Variants in MAP3K15 observed in about 807,000 individuals in gnomAD.
The protein encoded by MAP3K15 is mitogen-activated protein kinase kinase kinase 15, also known as MAPK/ERK kinase kinase 15.
MAP3K15 carries 124 observed loss-of-function variants against 99.5 expected under a neutral mutation model. The observed-to-expected ratio is 1.25, with a 90% CI of 1.08 to 1.45. MAP3K15 has a LOEUF of 1.45. MAP3K15 is among the 40% of genes most tolerant of loss of function. The probability of loss-of-function intolerance (pLI) is 0.00; values close to 1 mark genes in which losing one functional copy is unlikely to be tolerated. For synonymous variants in MAP3K15, 494 were observed against 439.6 expected, an observed-to-expected ratio of 1.12 and a Z score of -1.55; for missense variants, 1,242 against 1,079.7, an observed-to-expected ratio of 1.15 and a Z score of -2.11.
chrX:19,417,362 C>T (rs761442151), intron 9 of MAP3K15, among the ~76,000 whole-genome samples: 21 of 112,296 alleles, frequency 1.9e-4, no homozygotes, highest in African/African-American at 5.8e-4. Context: ...TGCGCTTTTC[C>T]AATGGTCTTA....
chrX:19,504,677 C>T (rs772969204), intron 1 of MAP3K15, among the ~76,000 whole-genome samples: 1 of 111,843 alleles, frequency 8.9e-6, no homozygotes, highest in Non-Finnish European at 1.9e-5. Flanking sequence ...GAAAAAGTTA[C>T]CTAAGGCTGG....
At chrX:19,403,688 G>A (rs5955772) in intron 13 of MAP3K15, among the ~76,000 whole-genome samples, 2 of 106,475 alleles carry the variant, frequency 1.9e-5, no homozygotes, top group African/African-American at 6.9e-5. Context: ...GGCTGGTCTC[G>A]AACTGCCCAC....
intron 18 of MAP3K15, among the ~76,000 whole-genome samples, chrX:19,386,041 G>T (rs1344456378): frequency 8.9e-6 from 1 of 112,209 alleles, no homozygotes; most frequent in Non-Finnish European, 1.9e-5. Flanking sequence ...CTGGCAGGAT[G>T]CATGTTGGGT....
In MAP3K15 at chrX:19,392,087, G is replaced by C. The variant is rs200012394; in HGVS notation, c.2346C>G (p.Asn782Lys). 2.5e-5 allele frequency: 30 copies of C among 1,207,997 alleles called. No homozygotes were observed. The highest frequency in any genetic ancestry group is 1.7e-5 in the African/African-American group (1 of 57,245). The change falls in exon 18 of 29, where the codon AAC becomes AAG. Residue 782 changes from asparagine (N) to lysine (K), a missense_variant. Coordinates refer to ENST00000338883, the MANE Select transcript of MAP3K15 (RefSeq NM_001001671.4). ...AGATTTTCACCACTCCGCTGTAGGT[G>C]TTCACCAGAACATTATCGCCCTTCG... The part of the protein sequence containing the change: ...RDIKGDNVLV[N>K]TYSGVVKISD...
In MAP3K15 at chrX:19,425,642, A is replaced by G; in HGVS notation, c.1328T>C (p.Met443Thr). 8.3e-7 allele frequency: 1 copy of G among 1,198,873 alleles called. No individual in the cohort carries two copies. ...CTGACCCACATCCCAGTAATTGTTC[A>G]TTTTCTCCAAGCTCCCTTTTCTTCC... The part of the protein sequence containing the change: ...LLGRKGSLEK[M>T]NNYWDVGQFF... The change falls in exon 9 of 29, where the codon ATG becomes ACG. Residue 443 changes from methionine to threonine, a missense_variant. Met to Thr is a moderately conservative substitution (Grantham distance 81). Coordinates refer to ENST00000338883, the MANE Select transcript of MAP3K15 (RefSeq NM_001001671.4).
Position 19,360,350 on chromosome X carries a change from G to A in MAP3K15, c.*399C>T. On this transcript the variant is annotated 3_prime_UTR_variant, in exon 29 of 29. Transcript: ENST00000338883. Reference sequence around the variant, plus strand: ...TGTTTGTTTCACCATTCCAGCAAGTGCTGAAGGGTGTACTTTTTTTGAGAC... The same window carrying A: ...TGTTTGTTTCACCATTCCAGCAAGTACTGAAGGGTGTACTTTTTTTGAGAC... 1 of 158,107 alleles carries A rather than the reference G, an allele frequency of 6.3e-6. No individual in the cohort carries two copies. Among genetic ancestry groups the A allele is most frequent in the Non-Finnish European group, 1.2e-5 (1 of 83,583 alleles). The allele number at this position is 158,107 out of a possible 1,213,427, so 13.0% of individuals were successfully genotyped here. A position where few individuals can be genotyped will look rare whatever the true frequency, so the allele number is the denominator to read the frequency against.
At chrX:19,408,871 C>T (rs1230293798) in intron 12 of MAP3K15, among the ~76,000 whole-genome samples, 1 of 110,979 alleles carries the variant, frequency 9.0e-6, no homozygotes, top group Admixed American at 9.6e-5. Context: ...GCCACAAATA[C>T]TGTGTCCTGA....
chrX:19,451,640 A>T (rs1022780310), intron 6 of MAP3K15, among the ~76,000 whole-genome samples: 2 of 109,133 alleles, frequency 1.8e-5, no homozygotes, highest in African/African-American at 6.7e-5. Flanking sequence ...TCTTATACGC[A>T]TTAGGGCAGC....
At chrX:19,484,606 CACCAAGTCTCCGGGACGAGAG>C (rs1417728784) in intron 3 of MAP3K15, among the ~76,000 whole-genome samples, 1 of 111,802 alleles carries the variant, frequency 8.9e-6, no homozygotes, top group Admixed American at 9.5e-5. Context: ...AACAGCGTGA[CACCAAGTCTCCGGGACGAGAG>C]ACTATTTCTG....
At position 19,464,199 on chromosome X, in the gene MAP3K15, C is replaced by T; in HGVS notation, c.719+14G>A. 8.5e-7 allele frequency: 1 copy of T among 1,179,747 alleles called. No individual in the cohort carries two copies. Among genetic ancestry groups the T allele is most frequent in the East Asian group, 3.0e-5 (1 of 33,515 alleles). On this transcript the variant is annotated intron_variant, in intron 4 of 28. Transcript: ENST00000338883. ...GTGAGTCTCCAGGGGTTACTGGTGG[C>T]AGATGGGAATTACCATGAGGTCACG... is the stretch of plus-strand genomic sequence containing the variant.
intron 19 of MAP3K15, among the ~76,000 whole-genome samples, 191 bp downstream of exon 19, chrX:19,379,929 T>C (rs1179700801): frequency 9.0e-6 from 1 of 111,438 alleles, no homozygotes; most frequent in Non-Finnish European, 1.9e-5. Flanking sequence ...AACAGTGAGA[T>C]TGCTTTCCAT....
At chrX:19,371,111 A>G in intron 23 of MAP3K15, 47 bp from the exon 24 acceptor site, 2 of 1,007,149 alleles carry the variant, frequency 2.0e-6, no homozygotes, top group Non-Finnish European at 2.7e-6. Flanking sequence ...ACAAAAATCC[A>G]GATTTCCAGT....
At chrX:19,374,779 C>A in intron 19 of MAP3K15, 119 bp from the exon 20 acceptor site, 2 of 607,543 alleles carry the variant, frequency 3.3e-6, no homozygotes, top group East Asian at 7.0e-5. Context: ...AATCCATGCC[C>A]CCTTGCAACG....
At chrX:19,386,570 C>T (rs1268539612) in intron 18 of MAP3K15, among the ~76,000 whole-genome samples, 2 of 111,339 alleles carry the variant, frequency 1.8e-5, no homozygotes, top group African/African-American at 3.3e-5. Context: ...CAGCCCACTA[C>T]GGCTCTTAGG....
intron 18 of MAP3K15, among the ~76,000 whole-genome samples, chrX:19,384,749 G>GAAAA (rs34619145): frequency 8.9e-4 from 20 of 22,546 alleles, no homozygotes; most frequent in African/African-American, 3.6e-3. Flanking sequence ...TGTCTCAGGG[G>GAAAA]AAAAAAAAAA....
intron 1 of MAP3K15, among the ~76,000 whole-genome samples, chrX:19,493,639 T>G (rs2064382529): frequency 8.9e-6 from 1 of 111,938 alleles, no homozygotes; most frequent in African/African-American, 3.2e-5. Flanking sequence ...ACCTAAAACC[T>G]TTCATCATCA....
chrX:19,386,221 C>T (rs185810017), intron 18 of MAP3K15, among the ~76,000 whole-genome samples: 30 of 111,424 alleles, frequency 2.7e-4, no homozygotes, highest in Admixed American at 2.2e-3. Flanking sequence ...TTTGGGAGGC[C>T]GAAGCAGGTG....
chrX:19,363,749 T>G (rs1219487272), intron 25 of MAP3K15, among the ~76,000 whole-genome samples: 1 of 108,534 alleles, frequency 9.2e-6, no homozygotes, highest in Non-Finnish European at 1.9e-5. Flanking sequence ...GCCTCCTGGG[T>G]TCAGGCAATT....
At chrX:19,399,702 C>T (rs897862882) in intron 14 of MAP3K15, among the ~76,000 whole-genome samples, 4 of 101,252 alleles carry the variant, frequency 4.0e-5, no homozygotes, top group Non-Finnish European at 6.0e-5. Context: ...CCACTGCACT[C>T]CACTCCAGCC....
Sources: gnomAD v4.1 joint callset for allele counts (sites outside exome capture counted in the v4.1 genomes callset) on GRCh38, gnomAD v4.1.1 for gene constraint, MANE v1.5 for transcripts, NCBI Gene and HGNC (gene_info 2026-07-23, HGNC 2026-07-21) for gene names.